The following PCDHGA4 variants were observed in gnomAD, a reference collection of about 807,000 sequenced individuals.
PCDHGA4 encodes protocadherin gamma-A4.
Under a neutral mutation model 54.6 loss-of-function variants are expected in PCDHGA4, and 38 were observed. The observed-to-expected ratio is 0.70, with a 90% CI of 0.54 to 0.91. The LOEUF is 0.91. PCDHGA4 is among the 40% of genes least tolerant of loss of function. The pLI, the probability that PCDHGA4 is intolerant of heterozygous loss-of-function variation, is 0.00. For missense variants in PCDHGA4, 1,298 were observed against 1,220.9 expected (o/e 1.06, Z -0.94); for synonymous variants, 511 against 512.9 (o/e 1.00, Z 0.05).
chr5:141,393,016 C>G, intron 1 of PCDHGA4: 1 of 1,613,872 alleles, frequency 6.2e-7, no homozygotes, highest in East Asian at 2.2e-5. Flanking sequence ...CGTATCGTCT[C>G]CAGAGGTAGG....
intron 1 of PCDHGA4, chr5:141,375,068 G>A: frequency 6.2e-7 from 1 of 1,614,016 alleles, no homozygotes; most frequent in Non-Finnish European, 8.5e-7. Flanking sequence ...AGGTCTTCGA[G>A]ACAGAGCGAA....
intron 1 of PCDHGA4, among the ~76,000 whole-genome samples, chr5:141,471,046 CT>C (rs1170588345): frequency 0.24 from 27,253 of 113,216 alleles, 2,739 homozygotes; most frequent in African/African-American, 0.39. Context: ...CCCAAGCCCT[CT>C]TTTTTTTTTT....
intron 1 of PCDHGA4, chr5:141,419,056 T>C (rs2096318283): frequency 6.2e-7 from 1 of 1,613,836 alleles, no homozygotes; most frequent in Non-Finnish European, 8.5e-7. Context: ...CTTCTTCTAA[T>C]AATTACTACA....
At chr5:141,459,319 T>G (rs1270005431) in intron 1 of PCDHGA4, among the ~76,000 whole-genome samples, 1 of 152,216 alleles carries the variant, frequency 6.6e-6, no homozygotes, top group Non-Finnish European at 1.5e-5. Context: ...TTTGTATCCA[T>G]CTTCTTTTAC....
At chr5:141,375,657 TGA>T in intron 1 of PCDHGA4, 1 of 1,614,192 alleles carries the variant, frequency 6.2e-7, no homozygotes, top group Non-Finnish European at 8.5e-7. Flanking sequence ...TATGAGCAGT[TGA>T]GAGACCTACA....
At chr5:141,502,724 C>T (rs1288841230) in intron 2 of PCDHGA4, among the ~76,000 whole-genome samples, 2 of 152,134 alleles carry the variant, frequency 1.3e-5, no homozygotes, top group African/African-American at 4.8e-5. Context: ...GATTACAAAG[C>T]GGTGATGTTC....
chr5:141,496,533 G>A (rs2099769399), intron 2 of PCDHGA4, among the ~76,000 whole-genome samples: 2 of 152,176 alleles, frequency 1.3e-5, no homozygotes, highest in Admixed American at 1.3e-4. Context: ...GTGTATGGCA[G>A]AGATTCCAGC....
rs771744120 is a variant in PCDHGA4 at position 141,485,876 on chromosome 5, G to A, written c.2515-8931G>A. ...AGAGCTCCGGGTATCCGTGCTGGAC[G>A]TAAACGACAACGCCCCAGCCTTCCA... On this transcript the variant is annotated intron_variant, in intron 1 of 3. Transcript: ENST00000571252. This position sits in a 1 kb window ranked among gnomAD's most constrained non-coding sequence, Gnocchi z 5.7. 1 of 1,614,174 alleles carries A rather than the reference G, an allele frequency of 6.2e-7. No homozygotes were observed. Among genetic ancestry groups the A allele is most frequent in the Non-Finnish European group, 8.5e-7 (1 of 1,180,030 alleles).
chr5:141,355,379 C>A lies in PCDHGA4; in HGVS notation c.272C>A (p.Ala91Glu), dbSNP rs771278815. Residue 91 changes from alanine (A) to glutamate (E), a missense_variant, in exon 1 of 4, where the codon GCG (alanine) becomes GAG (glutamate). By Grantham distance (107) the Ala-to-Glu change is moderately radical (BLOSUM62 -1). Transcript: ENST00000571252. ...KDLGLAPRELAERGVRIVSRG... is the reference protein window; with the variant it reads ...KDLGLAPRELEERGVRIVSRG... The stretch of plus-strand genomic sequence containing the variant: ...CTGGGGTTGGCGCCCCGGGAGCTGG[C>A]GGAGCGCGGAGTCCGCATCGTCTCC... 3.1e-6 allele frequency: 5 copies of A among 1,613,900 alleles called. No individual in the cohort carries two copies. Among genetic ancestry groups the A allele is most frequent in the Non-Finnish European group, 3.4e-6 (4 of 1,179,926 alleles).
intron 1 of PCDHGA4, among the ~76,000 whole-genome samples, chr5:141,467,341 C>T (rs1169830103): frequency 6.6e-6 from 1 of 152,214 alleles, no homozygotes; most frequent in Non-Finnish European, 1.5e-5. Context: ...ACGTAAGCCA[C>T]TGCCCCCGGC....
At chr5:141,508,151 C>T (rs1306467936) in intron 3 of PCDHGA4, 1 of 152,548 alleles carries the variant, frequency 6.6e-6, no homozygotes, top group Admixed American at 6.5e-5. Flanking sequence ...GGCTGAGTTT[C>T]CCTGAGTAGA....
intron 1 of PCDHGA4, chr5:141,366,800 C>G (rs1243230147): frequency 1.3e-6 from 2 of 1,565,118 alleles, no homozygotes; most frequent in African/African-American, 2.7e-5. Flanking sequence ...TCATTTGTTT[C>G]CTTTTTCATG....
rs920444759 is a variant in PCDHGA4, at chr5:141,432,767, C to G, written c.2515-62040C>G. On this transcript the variant is annotated intron_variant, in intron 1 of 3. Transcript: ENST00000571252. The surrounding 1 kb of genome is among the most constrained non-coding windows in gnomAD (Gnocchi z 6.0). ...CGTGGCCGTGGCCGACAGCATCCCC[C>G]AAGTCCTGGCGGACCTCGGCAGCCT... 2 of 1,614,058 alleles carry G rather than the reference C, an allele frequency of 1.2e-6. No individual in the cohort carries two copies. Among genetic ancestry groups the G allele is most frequent in the Admixed American group, 1.7e-5 (1 of 60,012 alleles).
rs747268184 is a variant in PCDHGA4, at chr5:141,489,769, C to A, written c.2515-5038C>A. On this transcript the variant is annotated intron_variant, in intron 1 of 3. Coordinates refer to ENST00000571252, the MANE Select transcript of PCDHGA4 (RefSeq NM_018917.4). This position sits in a 1 kb window ranked among gnomAD's most constrained non-coding sequence, Gnocchi z 4.5. ...CTTTTACACTCTAAGCCCCAACAGC[C>A]ACTTCTCTCTGAATGTGAAGACCCT... The A allele has an allele frequency of 6.2e-7, 1 of 1,614,156 alleles. No individual in the cohort carries two copies. The highest frequency in any genetic ancestry group is 1.1e-5 in the South Asian group (1 of 91,080).
At position 141,404,066 on chromosome 5, in the gene PCDHGA4, C is replaced by G. The variant is rs745515085; in HGVS notation, c.2514+46445C>G. The G allele has an allele frequency of 3.1e-6, 5 of 1,613,776 alleles. No individual in the cohort carries two copies. The East Asian group carries it at 8.9e-5, about 29-fold the overall frequency. On this transcript the variant is annotated intron_variant, in intron 1 of 3. Transcript: ENST00000571252. ...AACAGTAATTCTTCTTTTCAATGCT[C>G]ATGACCGAGACTCCGGGAAGAATGG...
chr5:141,421,842 A>G (rs1209505923), intron 1 of PCDHGA4: 1 of 1,613,744 alleles, frequency 6.2e-7, no homozygotes, highest in Non-Finnish European at 8.5e-7. Context: ...ACCGAGAGAA[A>G]GAGGCTGCTC....
intron 1 of PCDHGA4, chr5:141,422,970 C>T (rs1348343583): frequency 1.2e-6 from 2 of 1,614,246 alleles, no homozygotes; most frequent in East Asian, 2.2e-5. Flanking sequence ...TGGCGCCCCG[C>T]TCTGCGGAAC....
rs1267617024 is a variant in PCDHGA4 at position 141,476,542 on chromosome 5, G to T, written c.2515-18265G>T. The T allele has an allele frequency of 6.2e-7, 1 of 1,614,210 alleles. No individual in the cohort carries two copies. The highest frequency in any genetic ancestry group is 1.7e-5 in the Admixed American group (1 of 60,036). On this transcript the variant is annotated intron_variant, in intron 1 of 3. Transcript: ENST00000571252. This position sits in a 1 kb window ranked among gnomAD's most constrained non-coding sequence, Gnocchi z 7.6. ...CTTTCCCTACCCAGGAAATGAAATT[G>T]GAGATTAGCGAGGCCGTGGCTCCGG...
At chr5:141,384,906 C>T (rs767972748) in intron 1 of PCDHGA4, 4 of 1,613,882 alleles carry the variant, frequency 2.5e-6, no homozygotes, top group Non-Finnish European at 3.4e-6. Flanking sequence ...ACAGCATCCC[C>T]GAAGTCTTGG....
Sources: allele counts gnomAD v4.1 joint callset (sites outside exome capture counted in the v4.1 genomes callset), GRCh38; gene constraint gnomAD v4.1.1; non-coding constraint Gnocchi (gnomAD v3.1); transcripts MANE v1.5; gene names NCBI Gene and HGNC (gene_info 2026-07-23, HGNC 2026-07-21).